The following TRMT9B variants were observed in gnomAD, a reference collection of about 807,000 sequenced individuals.
TRMT9B encodes the protein probable tRNA methyltransferase 9B.
In TRMT9B, 16 loss-of-function variants were observed where a neutral mutation model predicts 11.5. That is an observed-to-expected ratio of 1.39 (90% confidence interval 0.94 to 2.11). TRMT9B has a LOEUF of 2.11. TRMT9B is among the 30% of genes most tolerant of loss of function. TRMT9B has a pLI of 0.00. For synonymous variants in TRMT9B, 274 were observed against 192.4 expected (o/e 1.42, Z -3.51); for missense variants, 941 against 553.8 (o/e 1.70, Z -7.02).
intron 1 of TRMT9B, among the ~76,000 whole-genome samples, chr8:12,990,152 A>T (rs1807079601): frequency 6.6e-6 from 1 of 152,206 alleles, no homozygotes; most frequent in Non-Finnish European, 1.5e-5. Context: ...TAAGGAAACT[A>T]GGAAAAATGG....
intron 1 of TRMT9B, among the ~76,000 whole-genome samples, chr8:12,951,105 A>C (rs919295246): frequency 6.6e-6 from 1 of 152,138 alleles, no homozygotes; most frequent in African/African-American, 2.4e-5. Context: ...TGGGGGGAGG[A>C]AAGGTTTGTG....
chr8:13,021,932 G>A lies in TRMT9B; in HGVS notation c.1253G>A (p.Gly418Glu), dbSNP rs765934324. 6 of 1,613,718 alleles carry A rather than the reference G, an allele frequency of 3.7e-6. No homozygotes were observed. Among genetic ancestry groups the A allele is most frequent in the Non-Finnish European group, 5.1e-6 (6 of 1,179,866 alleles). Residue 418 changes from glycine to glutamate, a missense_variant, in exon 5 of 5, where the codon GGG (glycine) becomes GAG (glutamate). Gly to Glu is a moderately conservative substitution (Grantham distance 98). Transcript: ENST00000524591. ...CGCTACTACCATGTGTTTCGAGAAG[G>A]GGAGCTCTGCAGTCTGCTCAAGGAG... ...FMRYYHVFRE[G>E]ELCSLLKENV...
chr8:12,997,806 C>T (rs879566088), intron 2 of TRMT9B, among the ~76,000 whole-genome samples: 1 of 152,150 alleles, frequency 6.6e-6, no homozygotes, highest in African/African-American at 2.4e-5. Flanking sequence ...ATATGTGTAG[C>T]TTTAGTTGTT....
chr8:12,950,376 G>A (rs1040979432), intron 1 of TRMT9B, among the ~76,000 whole-genome samples: 1 of 152,116 alleles, frequency 6.6e-6, no homozygotes, highest in Admixed American at 6.6e-5. Flanking sequence ...GTCTCCTAAT[G>A]CACTGTTAGA....
intron 1 of TRMT9B, chr8:12,962,080 A>G (rs1203698933): frequency 6.6e-6 from 1 of 152,244 alleles, no homozygotes; most frequent in African/African-American, 2.4e-5. Context: ...ACCTTCTACC[A>G]TTAATGTTTT....
At chr8:13,001,669 A>C (rs1450637955) in intron 2 of TRMT9B, among the ~76,000 whole-genome samples, 4 of 152,186 alleles carry the variant, frequency 2.6e-5, no homozygotes, top group Non-Finnish European at 2.9e-5. Flanking sequence ...TAGACCCAAT[A>C]ATTCTGAGAA....
chr8:13,020,499 C>A (rs1396082525), intron 4 of TRMT9B, among the ~76,000 whole-genome samples: 1 of 152,194 alleles, frequency 6.6e-6, no homozygotes, highest in Non-Finnish European at 1.5e-5. Context: ...AGCTGCTGAT[C>A]TTTGCATTAT....
At chr8:12,994,228 G>C (rs950623870) in intron 2 of TRMT9B, among the ~76,000 whole-genome samples, 6 of 152,202 alleles carry the variant, frequency 3.9e-5, no homozygotes, top group African/African-American at 1.4e-4. Flanking sequence ...TGTGTGCATG[G>C]TCTCAGGCTT....
intron 1 of TRMT9B, among the ~76,000 whole-genome samples, chr8:12,983,974 A>T (rs1340225408): frequency 1.3e-5 from 2 of 152,184 alleles, no homozygotes; most frequent in East Asian, 1.9e-4. Flanking sequence ...AAGTGTGAAT[A>T]AGTATATGAA....
intron 1 of TRMT9B, chr8:12,961,628 G>A (rs895722000): frequency 6.6e-6 from 1 of 151,066 alleles, no homozygotes; most frequent in Admixed American, 6.6e-5. Context: ...TTGAACCCGG[G>A]AGGCGGAGCT....
At chr8:12,985,224 T>G (rs1191398821) in intron 1 of TRMT9B, among the ~76,000 whole-genome samples, 5 of 152,210 alleles carry the variant, frequency 3.3e-5, no homozygotes, top group Admixed American at 6.5e-5. Context: ...TAGTCCCTGA[T>G]GGGATTCCAG....
At chr8:12,952,455 A>T in intron 1 of TRMT9B, 1 of 283,716 alleles carries the variant, frequency 3.5e-6, no homozygotes, top group South Asian at 2.7e-5. Flanking sequence ...CGAGACAGCC[A>T]TGCAGTAAGG....
intron 1 of TRMT9B, among the ~76,000 whole-genome samples, chr8:12,970,457 A>G (rs543492201): frequency 8.5e-5 from 13 of 152,300 alleles, no homozygotes; most frequent in Middle Eastern, 3.4e-3. Context: ...TTCCAATCCA[A>G]TTTCATGGCT....
At chr8:12,988,834 C>A (rs1417306600) in intron 1 of TRMT9B, among the ~76,000 whole-genome samples, 2 of 152,090 alleles carry the variant, frequency 1.3e-5, no homozygotes, top group Non-Finnish European at 2.9e-5. Flanking sequence ...AATCTTGATT[C>A]TTGGTATTAA....
intron 1 of TRMT9B, among the ~76,000 whole-genome samples, chr8:12,989,364 G>T (rs887054817): frequency 6.6e-6 from 1 of 152,198 alleles, no homozygotes; most frequent in Non-Finnish European, 1.5e-5. Flanking sequence ...AAGGTGATAT[G>T]ATTCATGCAC....
chr8:12,952,063 G>A (rs1051643562), intron 1 of TRMT9B: 1 of 346,764 alleles, frequency 2.9e-6, no homozygotes, highest in African/African-American at 2.2e-5. Context: ...TCTAAAATAG[G>A]TCAAGGGGTG....
intron 1 of TRMT9B, among the ~76,000 whole-genome samples, chr8:12,970,963 A>AGTATCTGT (rs1803530028): frequency 1.3e-5 from 2 of 152,202 alleles, no homozygotes. Flanking sequence ...CACTTTAGAA[A>AGTATCTGT]GTATCTGTAT....
At chr8:12,971,070 A>C (rs1156605079) in intron 1 of TRMT9B, among the ~76,000 whole-genome samples, 1 of 152,182 alleles carries the variant, frequency 6.6e-6, no homozygotes, top group Admixed American at 6.5e-5. Context: ...TGTGATGATT[A>C]ATCTGAGTAA....
intron 2 of TRMT9B, among the ~76,000 whole-genome samples, chr8:13,000,816 G>C (rs1809292525): frequency 6.6e-6 from 1 of 152,176 alleles, no homozygotes; most frequent in Non-Finnish European, 1.5e-5. Context: ...CCCTGCCTTG[G>C]GAAAGGTGTG....
Sources: allele counts gnomAD v4.1 joint callset (sites outside exome capture counted in the v4.1 genomes callset), GRCh38; gene constraint gnomAD v4.1.1; transcripts MANE v1.5; gene names NCBI Gene and HGNC (gene_info 2026-07-23, HGNC 2026-07-21).